DPYD: variants seen among roughly 807,000 people sequenced by gnomAD.
DPYD encodes the protein dihydropyrimidine dehydrogenase.
Under a neutral mutation model 116.2 loss-of-function variants are expected in DPYD, and 109 were observed. The ratio of observed to expected loss-of-function variants is 0.94; its 90% confidence interval spans 0.80 to 1.10. The LOEUF is 1.10. Among genes scored for constraint, DPYD ranks in the 50% least tolerant of loss-of-function variants. The pLI is 0.00. For missense variants in DPYD, 1,302 were observed against 1,254.5 expected (o/e 1.04, Z -0.57); for synonymous variants, 440 against 432.0 (o/e 1.02, Z -0.23).
chr1:97,818,686 T>G (rs1668762199), intron 3 of DPYD, among the ~76,000 whole-genome samples: 1 of 152,036 alleles, frequency 6.6e-6, no homozygotes, highest in Admixed American at 6.6e-5. Flanking sequence ...TTGCTTTCAC[T>G]CACTCCTAAA....
intron 19 of DPYD, among the ~76,000 whole-genome samples, chr1:97,215,930 A>C (rs912363758): frequency 2.0e-5 from 3 of 152,200 alleles, no homozygotes; most frequent in African/African-American, 7.2e-5. Context: ...GACAGAAGAG[A>C]GGATCAGATC....
At chr1:97,582,485 T>C (rs1400031309) in intron 10 of DPYD, among the ~76,000 whole-genome samples, 1 of 152,224 alleles carries the variant, frequency 6.6e-6, no homozygotes, top group Non-Finnish European at 1.5e-5. Flanking sequence ...TCACACTTGA[T>C]CTCATATTCT....
chr1:97,489,476 T>A (rs1678847874), intron 13 of DPYD, among the ~76,000 whole-genome samples: 1 of 152,202 alleles, frequency 6.6e-6, no homozygotes, highest in Non-Finnish European at 1.5e-5. Context: ...AAAGTAATAC[T>A]GGAAAATTTT....
intron 4 of DPYD, among the ~76,000 whole-genome samples, chr1:97,729,404 A>T (rs1402940762): frequency 6.6e-6 from 1 of 152,138 alleles, no homozygotes; most frequent in Admixed American, 6.6e-5. Context: ...CATGGATAAG[A>T]TGCCTATTCC....
In DPYD at chr1:97,258,834, A is replaced by G. The variant is rs542396776; in HGVS notation, c.2300-23840T>C. Among the ~76,000 whole-genome samples, 2 of 152,274 alleles carry G rather than the reference A, an allele frequency of 1.3e-5. 1 individual carries two copies. The highest frequency in any genetic ancestry group is 4.1e-4 in the South Asian group (2 of 4,826). ...ACAAGAAAGTGAAAGTGATTAGCAG[A>G]TGGTCATTTAAGAATTGTCTATAAA... On this transcript the variant is annotated intron_variant, in intron 18 of 22. Coordinates refer to ENST00000370192, the MANE Select transcript of DPYD (RefSeq NM_000110.4).
intron 21 of DPYD, among the ~76,000 whole-genome samples, chr1:97,084,602 AT>A (rs1649384846): frequency 6.6e-6 from 1 of 152,086 alleles, no homozygotes; most frequent in South Asian, 2.1e-4. Flanking sequence ...TGTTTTACAC[AT>A]TTTCTCACTT....
At chr1:97,289,398 A>C (rs895744899) in intron 18 of DPYD, among the ~76,000 whole-genome samples, 2 of 152,196 alleles carry the variant, frequency 1.3e-5, no homozygotes, top group Admixed American at 1.3e-4. Flanking sequence ...AGAGAATTTT[A>C]GACCAATATC....
At chr1:97,147,618 G>A (rs1654720488) in intron 20 of DPYD, among the ~76,000 whole-genome samples, 1 of 152,140 alleles carries the variant, frequency 6.6e-6, no homozygotes. Context: ...CCAGGATATT[G>A]ATATTTGAGA....
intron 15 of DPYD, among the ~76,000 whole-genome samples, chr1:97,377,128 A>C (rs1671681323): frequency 6.6e-6 from 1 of 151,944 alleles, no homozygotes; most frequent in Admixed American, 6.6e-5. Flanking sequence ...TGTTGTTGTA[A>C]GGCATAAATA....
intron 3 of DPYD, among the ~76,000 whole-genome samples, chr1:97,767,326 T>A (rs1665916565): frequency 6.6e-6 from 1 of 152,180 alleles, no homozygotes; most frequent in Non-Finnish European, 1.5e-5. Flanking sequence ...TACCCTTCCC[T>A]GTATTCATAA....
chr1:97,242,168 A>C (rs1416953062), intron 18 of DPYD, among the ~76,000 whole-genome samples: 43 of 113,652 alleles, frequency 3.8e-4, no homozygotes, highest in African/African-American at 5.8e-4. Context: ...ATATATATAT[A>C]TATCTTCTAA....
At chr1:97,560,918 G>A (rs985596837) in intron 11 of DPYD, among the ~76,000 whole-genome samples, 1 of 152,142 alleles carries the variant, frequency 6.6e-6, no homozygotes, top group Non-Finnish European at 1.5e-5. Flanking sequence ...ATTCCAAGAA[G>A]CGGGAACAGT....
In DPYD at chr1:97,762,719, C is replaced by CT. The variant is rs531214598; in HGVS notation, c.234-22241dup. 1.3e-3 allele frequency among the ~76,000 whole-genome samples: 205 copies of CT among 152,080 alleles called. 6 individuals are homozygous for CT. In the South Asian group the frequency reaches 0.039, roughly 29 times the overall value. On this transcript the variant is annotated intron_variant, in intron 3 of 22. Transcript: ENST00000370192. Reference sequence around the variant, plus strand: ...TATTTCTTGACTAGAATATAATTGTCTTTTTTTCCCAAAAAGATGTACACC... The same window carrying CT: ...TATTTCTTGACTAGAATATAATTGTCTTTTTTTTCCCAAAAAGATGTACACC...
intron 8 of DPYD, among the ~76,000 whole-genome samples, chr1:97,665,310 A>T (rs1322281990): frequency 1.3e-5 from 2 of 152,210 alleles, no homozygotes; most frequent in East Asian, 3.8e-4. Flanking sequence ...TAAAATGTTT[A>T]TATTTTAGTA....
chr1:97,153,542 A>C (rs1482251515), intron 20 of DPYD, among the ~76,000 whole-genome samples: 7 of 152,182 alleles, frequency 4.6e-5, no homozygotes, highest in African/African-American at 1.7e-4. Flanking sequence ...AAGCCATATA[A>C]GTTCTAGAAG....
chr1:97,215,863 T>C (rs1171141714), intron 19 of DPYD, among the ~76,000 whole-genome samples: 2 of 152,204 alleles, frequency 1.3e-5, no homozygotes, highest in Non-Finnish European at 2.9e-5. Context: ...TTTCTGTTGC[T>C]CTATTTAAAA....
At chr1:97,778,188 A>AAGAAAG (rs1312207851) in intron 3 of DPYD, among the ~76,000 whole-genome samples, 148 of 106,300 alleles carry the variant, frequency 1.4e-3, no homozygotes, top group African/African-American at 4.8e-3. Flanking sequence ...GAAAGAAAGA[A>AAGAAAG]AGAGAGAGAG....
chr1:97,783,464 G>A (rs555034176), intron 3 of DPYD, among the ~76,000 whole-genome samples: 20 of 150,354 alleles, frequency 1.3e-4, no homozygotes, highest in Non-Finnish European at 1.8e-4. Flanking sequence ...GTGTGATCTC[G>A]GCTCACTGCA....
intron 5 of DPYD, among the ~76,000 whole-genome samples, chr1:97,700,731 G>A (rs750700171): frequency 1.9e-4 from 29 of 151,986 alleles, no homozygotes; most frequent in East Asian, 3.9e-4. Context: ...ACATAATCTC[G>A]TAAGTGTGGT....
Sources: gnomAD v4.1 joint callset for allele counts (sites outside exome capture counted in the v4.1 genomes callset) on GRCh38, gnomAD v4.1.1 for gene constraint, MANE v1.5 for transcripts, NCBI Gene and HGNC (gene_info 2026-07-23, HGNC 2026-07-21) for gene names.